LRBA: variants seen among roughly 807,000 people sequenced by gnomAD.
The protein encoded by LRBA is lipopolysaccharide-responsive and beige-like anchor protein.
LRBA carries 176 observed loss-of-function variants against 330.0 expected under a neutral mutation model. That is an observed-to-expected ratio of 0.53 (90% CI 0.47 to 0.60). The LOEUF (loss-of-function observed/expected upper bound fraction) is 0.60. Ranked by LOEUF, LRBA falls within the 20% of genes least tolerant of loss-of-function variation. The pLI is 0.00. For missense variants in LRBA, 3,259 were observed against 3,444.8 expected (o/e 0.95, Z 1.35); for synonymous variants, 1,230 against 1,193.0 (o/e 1.03, Z -0.64).
intron 36 of LRBA, among the ~76,000 whole-genome samples, chr4:150,705,920 G>C (rs1306113822): frequency 6.6e-6 from 1 of 151,880 alleles, no homozygotes; most frequent in Non-Finnish European, 1.5e-5. Flanking sequence ...CATCACACTG[G>C]TGATAGAAGT....
intron 34 of LRBA, among the ~76,000 whole-genome samples, chr4:150,795,364 A>T (rs1408876167): frequency 6.6e-6 from 1 of 152,076 alleles, no homozygotes; most frequent in Non-Finnish European, 1.5e-5. Flanking sequence ...AACCACCTGA[A>T]ACACAGTTGA....
intron 47 of LRBA, among the ~76,000 whole-genome samples, chr4:150,392,043 A>C (rs1744045730): frequency 6.6e-6 from 1 of 151,534 alleles, no homozygotes; most frequent in South Asian, 2.1e-4. Flanking sequence ...TTCTATTGCC[A>C]ATAGGTTAAA....
chr4:150,454,074 C>T (rs561132782), intron 44 of LRBA, among the ~76,000 whole-genome samples: 1 of 152,250 alleles, frequency 6.6e-6, no homozygotes, highest in South Asian at 2.1e-4. Flanking sequence ...TATTCTACTG[C>T]CTCAGCCTCC....
chr4:150,509,269 A>C (rs1304951303), intron 40 of LRBA, among the ~76,000 whole-genome samples: 1 of 152,088 alleles, frequency 6.6e-6, no homozygotes, highest in Non-Finnish European at 1.5e-5. Flanking sequence ...AAAGGCCCCA[A>C]ATTTGAAAAT....
chr4:150,840,877 A>G (rs1263406518), intron 28 of LRBA: 68 of 983,940 alleles, frequency 6.9e-5, no homozygotes, highest in Non-Finnish European at 8.7e-5. Context: ...AATGGTAAAA[A>G]TGAGACTAAT....
chr4:150,755,838 G>A (rs1403570762), intron 35 of LRBA, among the ~76,000 whole-genome samples: 1 of 150,612 alleles, frequency 6.6e-6, no homozygotes. Context: ...AGGAGTTCAA[G>A]ACTAGCCTGG....
intron 48 of LRBA, among the ~76,000 whole-genome samples, chr4:150,339,095 G>C (rs1243109628): frequency 6.6e-6 from 1 of 151,884 alleles, no homozygotes; most frequent in Non-Finnish European, 1.5e-5. Flanking sequence ...ATACACCTAA[G>C]ATATTTTCCC....
At chr4:150,963,048 A>T (rs1024036861) in intron 2 of LRBA, among the ~76,000 whole-genome samples, 8 of 148,612 alleles carry the variant, frequency 5.4e-5, no homozygotes, top group Middle Eastern at 3.4e-3. Context: ...AGTCAAGTCA[A>T]ATCAATCCCT....
intron 33 of LRBA, among the ~76,000 whole-genome samples, chr4:150,805,446 G>GGAAAGGAAAGGAAAGGAAA (rs1742538646): frequency 5.0e-5 from 2 of 39,738 alleles, no homozygotes; most frequent in African/African-American, 1.8e-4. Flanking sequence ...AGGAAGGAAA[G>GGAAAGGAAAGGAAAGGAAA]GGAAAGGAAA....
chr4:150,537,601 T>C (rs1032376257), intron 40 of LRBA, among the ~76,000 whole-genome samples: 1 of 152,092 alleles, frequency 6.6e-6, no homozygotes, highest in Non-Finnish European at 1.5e-5. Flanking sequence ...AGGCCTAATA[T>C]CCAGAATCTA....
intron 35 of LRBA, among the ~76,000 whole-genome samples, chr4:150,760,620 A>G (rs1345955263): frequency 1.3e-5 from 2 of 151,934 alleles, no homozygotes; most frequent in East Asian, 3.8e-4. Context: ...GCCTTCAGAT[A>G]TTCTGTTCCC....
At chr4:150,717,867 G>C (rs918553353) in intron 36 of LRBA, among the ~76,000 whole-genome samples, 1 of 151,744 alleles carries the variant, frequency 6.6e-6, no homozygotes, top group African/African-American at 2.4e-5. Context: ...AAGACCTTTT[G>C]AAAATTCTTA....
chr4:150,296,673 A>G (rs1371957192), intron 53 of LRBA, among the ~76,000 whole-genome samples: 2 of 152,200 alleles, frequency 1.3e-5, no homozygotes, highest in Non-Finnish European at 2.9e-5. Flanking sequence ...TCGTAAAAAA[A>G]AAATCAGAGA....
intron 40 of LRBA, among the ~76,000 whole-genome samples, chr4:150,510,011 C>A (rs1037759266): frequency 1.3e-5 from 2 of 152,160 alleles, no homozygotes; most frequent in Non-Finnish European, 2.9e-5. Flanking sequence ...TGGCACATGC[C>A]TGTAATCCCA....
intron 13 of LRBA, among the ~76,000 whole-genome samples, chr4:150,900,817 A>T (rs1433824896): frequency 6.6e-6 from 1 of 152,230 alleles, no homozygotes; most frequent in Non-Finnish European, 1.5e-5. Context: ...TCATAACATT[A>T]TAATCTCTCA....
At chr4:150,385,072 C>T (rs1742861077) in intron 47 of LRBA, among the ~76,000 whole-genome samples, 1 of 152,098 alleles carries the variant, frequency 6.6e-6, no homozygotes, top group Non-Finnish European at 1.5e-5. Flanking sequence ...ACATTTATAG[C>T]ATATTCAGAG....
At chr4:150,695,019 T>C (rs1256542013) in intron 36 of LRBA, among the ~76,000 whole-genome samples, 1 of 152,166 alleles carries the variant, frequency 6.6e-6, no homozygotes. Flanking sequence ...ATTCCACACA[T>C]AATATTTTGT....
intron 13 of LRBA, among the ~76,000 whole-genome samples, chr4:150,901,488 T>C (rs903639623): frequency 6.6e-6 from 1 of 152,202 alleles, no homozygotes; most frequent in South Asian, 2.1e-4. Flanking sequence ...CCCTTGACCA[T>C]AGACCAAACT....
chr4:150,284,012 C>A (rs1013967996), intron 54 of LRBA, among the ~76,000 whole-genome samples: 2 of 151,954 alleles, frequency 1.3e-5, no homozygotes, highest in African/African-American at 2.4e-5. Flanking sequence ...TATTGGCCAA[C>A]AAAGATGAAA....
Sources: gnomAD v4.1 joint callset for allele counts (sites outside exome capture counted in the v4.1 genomes callset) on GRCh38, gnomAD v4.1.1 for gene constraint, MANE v1.5 for transcripts, NCBI Gene and HGNC (gene_info 2026-07-23, HGNC 2026-07-21) for gene names.